Variants in EML2 observed in about 807,000 individuals in gnomAD.
EML2 encodes the protein echinoderm microtubule-associated protein-like 2.
A neutral mutation model predicts 84.7 loss-of-function variants in EML2; 59 were observed. The ratio of observed to expected loss-of-function variants is 0.70; its 90% CI spans 0.56 to 0.86. The LOEUF (loss-of-function observed/expected upper bound fraction) is 0.86, where lower values mean the gene tolerates loss of function less well. Among genes scored for constraint, EML2 ranks in the 40% least tolerant of loss-of-function variants. EML2 has a pLI of 0.00. For synonymous variants in EML2, 352 were observed against 348.9 expected (o/e 1.01, Z -0.10); for missense variants, 818 against 855.6 (o/e 0.96, Z 0.55).
Position 45,613,554 on chromosome 19 carries a change from C to CAGTTT in EML2, c.1810_1811insAAACT (p.Cys604Ter). 3 of 1,613,968 alleles carry CAGTTT rather than the reference C, an allele frequency of 1.9e-6. No individual in the cohort carries two copies. The highest frequency in any genetic ancestry group is 2.5e-6 in the Non-Finnish European group (3 of 1,179,956). On this transcript the variant is annotated stop_gained and frameshift_variant, in exon 18 of 19. Transcript: ENST00000245925. LOFTEE classifies it high-confidence loss of function. The stretch of plus-strand genomic sequence containing the variant: ...CAAGGGACTCACTCGAGGCTGACAG[C>CAGTTT]AGGGGTAGCTAAACAGGTGAACTTT...
At chr19:45,621,426 C>T in intron 10 of EML2, 57 bp downstream of exon 10, 25 of 1,583,816 alleles carry the variant, frequency 1.6e-5, no homozygotes, top group Non-Finnish European at 2.1e-5. Context: ...GTTGGGAGCC[C>T]TGGTGAGATC....
chr19:45,616,699 C>A, intron 14 of EML2, 66 bp downstream of exon 14: 1 of 1,505,858 alleles, frequency 6.6e-7, no homozygotes, highest in African/African-American at 1.4e-5. Flanking sequence ...ACCCCTCCCC[C>A]TGCCAAGAGC....
At chr19:45,636,686 C>T (rs1295880315) in intron 3 of EML2, among the ~76,000 whole-genome samples, 1 of 152,236 alleles carries the variant, frequency 6.6e-6, no homozygotes. Context: ...GTGGCTCACG[C>T]CTGTAATCTC....
chr19:45,609,445 T>TA lies in EML2; in HGVS notation c.*217dup, dbSNP rs1970256520. On this transcript the variant is annotated 3_prime_UTR_variant, in exon 19 of 19. Coordinates refer to ENST00000245925, the MANE Select transcript of EML2 (RefSeq NM_012155.4). ...TCTGGATGATATAAAAGAAAAAACT[T>TA]AAAAAACACCCCAAACCAAACACCA... The TA allele has an allele frequency of 4.3e-6, 2 of 470,538 alleles. No individual in the cohort carries two copies. Among genetic ancestry groups the TA allele is most frequent in the East Asian group, 7.8e-5 (2 of 25,636 alleles). 29.1% of individuals were successfully genotyped at this position (470,538 alleles called of 1,614,324 possible).
chr19:45,641,998 A>G (rs990977357), upstream of EML2: 7 of 1,446,296 alleles, frequency 4.8e-6, no homozygotes, highest in African/African-American at 1.0e-4. Context: ...GTCCCGAGCC[A>G]TTAAGGGGCG....
chr19:45,638,519 G>C lies in EML2; in HGVS notation c.165C>G (p.Leu55=), dbSNP rs369466319. 121 of 1,613,942 alleles carry C rather than the reference G, an allele frequency of 7.5e-5. No homozygotes were observed. Among genetic ancestry groups the C allele is most frequent in the Non-Finnish European group, 1.0e-4 (120 of 1,180,024 alleles). The change falls in exon 3 of 19, where the codon CTC becomes CTG. Residue 55 remains leucine (L), a synonymous_variant. Coordinates refer to ENST00000245925, the MANE Select transcript of EML2 (RefSeq NM_012155.4). Reference sequence around the variant, plus strand: ...CAAAAGGATACACCCACTCCAGCTTGAGCCGGCAAGAAGGCAGCTCCGAGC... The same window carrying C: ...CAAAAGGATACACCCACTCCAGCTTCAGCCGGCAAGAAGGCAGCTCCGAGC... ...DTRSELPSCR[L]KLEWVYGYRG... is the part of the protein sequence containing the mutation.
upstream of EML2, chr19:45,639,410 G>A (rs1974182771): frequency 8.0e-7 from 1 of 1,253,906 alleles, no homozygotes; most frequent in East Asian, 3.2e-5. Flanking sequence ...GGCCGGGGGT[G>A]GAGCCGGGAC....
intron 3 of EML2, among the ~76,000 whole-genome samples, chr19:45,635,739 T>A (rs1284544887): frequency 6.6e-6 from 1 of 151,734 alleles, no homozygotes; most frequent in Non-Finnish European, 1.5e-5. Flanking sequence ...ATTATAGGCA[T>A]GCGCCACCAT....
rs745700634 is a variant in EML2, at chr19:45,638,579, T to C, written c.105A>G (p.Pro35=). 1 of 1,614,118 alleles carries C rather than the reference T, an allele frequency of 6.2e-7. No homozygotes were observed. Among genetic ancestry groups the C allele is most frequent in the Non-Finnish European group, 8.5e-7 (1 of 1,180,024 alleles). ...GGCTGTAGGTGGGTGCCAGCTCGTC[T>C]GGGATCATCATGGGCACAGGGCGGC... ...LRGRPVPMMI[P]DELAPTYSLD... The change falls in exon 3 of 19, where the codon CCA becomes CCG. Residue 35 remains proline (P), a synonymous_variant. Coordinates refer to ENST00000245925, the MANE Select transcript of EML2 (RefSeq NM_012155.4).
chr19:45,631,732 G>C (rs1341595994), intron 6 of EML2, among the ~76,000 whole-genome samples: 3 of 151,836 alleles, frequency 2.0e-5, no homozygotes, highest in Non-Finnish European at 4.4e-5. Context: ...TAAAGTCAGC[G>C]TCCTGCCATA....
At chr19:45,622,051 C>T (rs1006776080) in intron 9 of EML2, among the ~76,000 whole-genome samples, 5 of 151,890 alleles carry the variant, frequency 3.3e-5, no homozygotes, top group South Asian at 4.1e-4. Flanking sequence ...CCCCACCTTT[C>T]GACCTTTCTA....
Position 45,632,945 on chromosome 19 carries a change from C to T in EML2, c.426G>A (p.Trp142Ter), listed in dbSNP as rs753584737. 20 of 1,614,062 alleles carry T rather than the reference C, an allele frequency of 1.2e-5. No individual in the cohort carries two copies. The highest frequency in any genetic ancestry group is 1.1e-5 in the South Asian group (1 of 91,062). ...GTAAGGTGGAGAGGGAAACTGAGTC[C>T]CAGATGCGCACGTGGGGCGGCAGCG... is the stretch of plus-strand genomic sequence containing the variant. Reference protein sequence around the residue: ...GKPLPPHVRIWDSVSLSTLHV... With the variant: ...GKPLPPHVRI The change falls in exon 6 of 19, where the codon TGG (tryptophan) becomes TGA (stop). Residue 142 changes from tryptophan (W) to a stop codon, truncating the protein, a stop_gained. Transcript: ENST00000245925. LOFTEE classifies it high-confidence loss of function.
In EML2 at chr19:45,632,911, C is replaced by T. The variant is rs1444262985; in HGVS notation, c.460G>A (p.Gly154Ser). Reference protein sequence around the residue: ...SVSLSTLHVLGLGVFDRAVCC... With the variant: ...SVSLSTLHVLSLGVFDRAVCC... ...ACGGCTCTGTCAAACACCCCCAAGC[C>T]CAGCACGTGTAAGGTGGAGAGGGAA... The change falls in exon 6 of 19, where the codon GGC becomes AGC. Residue 154 changes from glycine to serine, a missense_variant. Physicochemically the swap from Gly to Ser is moderately conservative, Grantham distance 56. Coordinates refer to ENST00000245925, the MANE Select transcript of EML2 (RefSeq NM_012155.4). 6.2e-7 allele frequency: 1 copy of T among 1,614,196 alleles called. No homozygotes were observed.
chr19:45,633,504 C>T (rs981197317), intron 4 of EML2, among the ~76,000 whole-genome samples: 3 of 151,608 alleles, frequency 2.0e-5, no homozygotes, highest in Non-Finnish European at 2.9e-5. Context: ...TTTGGGAGGC[C>T]GAGGCGGGCG....
At chr19:45,637,658 TTTTCTTTTC>T (rs1973902523) in intron 3 of EML2, among the ~76,000 whole-genome samples, 1 of 86,954 alleles carries the variant, frequency 1.2e-5, no homozygotes, top group Non-Finnish European at 2.7e-5. Context: ...TTTTTTTTCT[TTTTCTTTTC>T]TTTTTTTTTT....
intron 3 of EML2, among the ~76,000 whole-genome samples, chr19:45,636,607 A>G (rs942253382): frequency 6.6e-6 from 1 of 152,156 alleles, no homozygotes; most frequent in African/African-American, 2.4e-5. Flanking sequence ...AGATGCTGTC[A>G]TGGTCAGCAC....
Position 45,621,560 on chromosome 19 carries a change from T to C in EML2, c.919A>G (p.Thr307Ala), listed in dbSNP as rs1971708464. 1.2e-6 allele frequency: 2 copies of C among 1,612,636 alleles called. No individual in the cohort carries two copies. Among genetic ancestry groups the C allele is most frequent in the African/African-American group, 2.7e-5 (2 of 74,880 alleles). ...VFGLCALRDG[T>A]LVSGGGRDRR... ...TCACGGCCCCCTCCAGACACCAGCG[T>C]CCCGTCCCGCAGGGCGCAGAGCCCA... Residue 307 changes from threonine (T) to alanine (A), a missense_variant, in exon 10 of 19, where the codon ACG becomes GCG. Thr to Ala is a moderately conservative substitution (Grantham distance 58, BLOSUM62 0). Coordinates refer to ENST00000245925, the MANE Select transcript of EML2 (RefSeq NM_012155.4).
Position 45,616,573 on chromosome 19 carries a change from G to C in EML2, c.1412-15C>G. 1.3e-6 allele frequency: 2 copies of C among 1,599,562 alleles called. No homozygotes were observed. The highest frequency in any genetic ancestry group is 1.7e-6 in the Non-Finnish European group (2 of 1,168,586). On this transcript the variant is annotated splice_polypyrimidine_tract_variant and intron_variant, in intron 14 of 18. Transcript: ENST00000245925. Reference sequence around the variant, plus strand: ...GTACGCCCCGTCTGGGGGAGGGGGAGGGGGGCTATGAGGAGGCACCCAGGC... The same window carrying C: ...GTACGCCCCGTCTGGGGGAGGGGGACGGGGGCTATGAGGAGGCACCCAGGC...
chr19:45,630,427 C>T (rs2122736060), intron 6 of EML2, among the ~76,000 whole-genome samples: 1 of 151,746 alleles, frequency 6.6e-6, no homozygotes, highest in East Asian at 1.9e-4. Context: ...GTGGCAGGTG[C>T]CTGTAATCCC....
Sources: allele counts gnomAD v4.1 joint callset (sites outside exome capture counted in the v4.1 genomes callset), GRCh38; gene constraint gnomAD v4.1.1; transcripts MANE v1.5; gene names NCBI Gene and HGNC (gene_info 2026-07-23, HGNC 2026-07-21).